The following NR6A1 variants were observed in gnomAD, a reference collection of about 807,000 sequenced individuals.
NR6A1 encodes the protein nuclear receptor subfamily 6 group A member 1.
NR6A1 carries 7 observed loss-of-function variants against 59.1 expected under a neutral mutation model. The ratio of observed to expected loss-of-function variants is 0.12; its 90% confidence interval spans 0.07 to 0.22. The LOEUF is 0.22. Ranked by LOEUF, NR6A1 falls within the 10% of genes least tolerant of loss-of-function variation. The pLI, the probability that NR6A1 is intolerant of heterozygous loss-of-function variation, is 1.00. For synonymous variants in NR6A1, 243 were observed against 236.1 expected, an observed-to-expected ratio of 1.03 and a Z score of -0.27; for missense variants, 468 against 611.6, an observed-to-expected ratio of 0.77 and a Z score of 2.48.
At chr9:124,605,410 G>T (rs140902496) in intron 2 of NR6A1, among the ~76,000 whole-genome samples, 1 of 152,142 alleles carries the variant, frequency 6.6e-6, no homozygotes. Context: ...CTTGAGAGGC[G>T]TGAGTATCAC....
At position 124,624,280 on chromosome 9, in the gene NR6A1, G is replaced by A. The variant is rs547805587; in HGVS notation, c.143-69710C>T. Among the ~76,000 whole-genome samples, 61 of 152,260 alleles carry A rather than the reference G, an allele frequency of 4.0e-4. 1 individual carries two copies. Among genetic ancestry groups the A allele is most frequent in the African/African-American group, 1.3e-3 (54 of 41,550 alleles). On this transcript the variant is annotated intron_variant, in intron 2 of 9. Transcript: ENST00000487099. ...TTCTTGAGGGCTGTGGCAGTTTCCC[G>A]GTACATGGTGGCAGCAGTGGGATCA...
chr9:124,533,338 T>C (rs186460981), intron 7 of NR6A1, among the ~76,000 whole-genome samples: 1 of 152,224 alleles, frequency 6.6e-6, no homozygotes, highest in African/African-American at 2.4e-5. Context: ...TTAGGTCAAC[T>C]GCAAAATCAG....
chr9:124,697,047 G>C (rs1838789174), intron 2 of NR6A1, among the ~76,000 whole-genome samples: 1 of 152,160 alleles, frequency 6.6e-6, no homozygotes, highest in Non-Finnish European at 1.5e-5. Flanking sequence ...AAACAGAAAA[G>C]AAAGCAAAGA....
chr9:124,722,620 T>A (rs1839595685), intron 2 of NR6A1, among the ~76,000 whole-genome samples: 1 of 152,240 alleles, frequency 6.6e-6, no homozygotes, highest in Non-Finnish European at 1.5e-5. Context: ...CTTGCCTATT[T>A]TTTATCTTGT....
At chr9:124,578,590 C>A (rs2131451759) in intron 2 of NR6A1, among the ~76,000 whole-genome samples, 1 of 152,288 alleles carries the variant, frequency 6.6e-6, no homozygotes, top group East Asian at 1.9e-4. Context: ...TACTAAAAGC[C>A]CTGGCTTATG....
chr9:124,684,368 T>C (rs1315959027), intron 2 of NR6A1, among the ~76,000 whole-genome samples: 3 of 152,244 alleles, frequency 2.0e-5, no homozygotes, highest in African/African-American at 4.8e-5. Flanking sequence ...CCATCATTAA[T>C]GTCCAAGCTC....
chr9:124,689,463 A>G (rs1838453847), intron 2 of NR6A1, among the ~76,000 whole-genome samples: 1 of 152,232 alleles, frequency 6.6e-6, no homozygotes, highest in Non-Finnish European at 1.5e-5. Flanking sequence ...AAAGTTTATT[A>G]TAATAAGGTA....
chr9:124,733,829 C>T (rs773246117), intron 1 of NR6A1, among the ~76,000 whole-genome samples: 1 of 152,100 alleles, frequency 6.6e-6, no homozygotes, highest in Non-Finnish European at 1.5e-5. Flanking sequence ...TTCACAAATG[C>T]TGAAGAATTT....
intron 1 of NR6A1, among the ~76,000 whole-genome samples, chr9:124,768,641 A>G (rs1277434245): frequency 6.6e-6 from 1 of 152,250 alleles, no homozygotes; most frequent in Non-Finnish European, 1.5e-5. Context: ...ACCTTAGTCT[A>G]AATGGATTGC....
chr9:124,626,674 G>A lies in NR6A1; in HGVS notation c.143-72104C>T, dbSNP rs191039865. 8.5e-4 allele frequency among the ~76,000 whole-genome samples: 130 copies of A among 152,262 alleles called. 2 individuals carry two copies. Among genetic ancestry groups the A allele is most frequent in the African/African-American group, 2.4e-3 (101 of 41,566 alleles). ...CTTCAGGCGGGGCGTGGTGGCTCAC[G>A]CCTGTAATCCCAGCACTTTGGGAGG... On this transcript the variant is annotated intron_variant, in intron 2 of 9. Coordinates refer to ENST00000487099, the MANE Select transcript of NR6A1 (RefSeq NM_033334.4).
chr9:124,684,313 C>T (rs2131002098), intron 2 of NR6A1, among the ~76,000 whole-genome samples: 1 of 152,320 alleles, frequency 6.6e-6, no homozygotes. Flanking sequence ...AACTAAACCC[C>T]AAGCCAAGTC....
intron 1 of NR6A1, among the ~76,000 whole-genome samples, chr9:124,749,420 G>T (rs1372975565): frequency 6.6e-6 from 1 of 152,128 alleles, no homozygotes. Flanking sequence ...TAGGGAATAG[G>T]ACCTTTTACT....
chr9:124,655,393 G>C (rs963161134), intron 2 of NR6A1, among the ~76,000 whole-genome samples: 5 of 152,168 alleles, frequency 3.3e-5, no homozygotes, highest in Non-Finnish European at 7.3e-5. Flanking sequence ...GTATCTGAAA[G>C]GACTGTTTTG....
chr9:124,652,193 C>T (rs900867294), intron 2 of NR6A1, among the ~76,000 whole-genome samples: 5 of 152,132 alleles, frequency 3.3e-5, no homozygotes, highest in African/African-American at 1.2e-4. Context: ...AGTAAAGAAG[C>T]AGCTCTATTT....
chr9:124,587,668 G>A (rs1267773815), intron 2 of NR6A1, among the ~76,000 whole-genome samples: 1 of 152,076 alleles, frequency 6.6e-6, no homozygotes, highest in Non-Finnish European at 1.5e-5. Context: ...ATTCTTATTT[G>A]CCCAGAAAGT....
chr9:124,657,418 C>T (rs1263629399), intron 2 of NR6A1, among the ~76,000 whole-genome samples: 2 of 152,030 alleles, frequency 1.3e-5, no homozygotes. Flanking sequence ...TCTAAAGAGA[C>T]AAGAAAGTCC....
intron 2 of NR6A1, among the ~76,000 whole-genome samples, chr9:124,665,727 C>A (rs1837592850): frequency 6.6e-6 from 1 of 152,132 alleles, no homozygotes; most frequent in Non-Finnish European, 1.5e-5. Context: ...GTACTCAACC[C>A]ATGACTAATC....
At chr9:124,602,536 C>T (rs1048530664) in intron 2 of NR6A1, among the ~76,000 whole-genome samples, 1 of 152,188 alleles carries the variant, frequency 6.6e-6, no homozygotes, top group African/African-American at 2.4e-5. Context: ...AGGCTTTCTC[C>T]TTTGGTGCTC....
intron 2 of NR6A1, among the ~76,000 whole-genome samples, chr9:124,695,818 T>C (rs769497175): frequency 9.2e-5 from 14 of 152,220 alleles, no homozygotes; most frequent in Non-Finnish European, 1.9e-4. Context: ...TAGAAAAGAA[T>C]GTCTGACACG....
Sources: allele counts gnomAD v4.1 joint callset (sites outside exome capture counted in the v4.1 genomes callset), GRCh38; gene constraint gnomAD v4.1.1; transcripts MANE v1.5; gene names NCBI Gene and HGNC (gene_info 2026-07-23, HGNC 2026-07-21).